The following PPARGC1A variants were observed in gnomAD, a reference collection of about 807,000 sequenced individuals.
PPARGC1A encodes the protein peroxisome proliferator-activated receptor gamma coactivator 1-alpha.
PPARGC1A carries 25 observed loss-of-function variants against 88.7 expected under a neutral mutation model. That is an observed-to-expected ratio of 0.28 (90% CI 0.21 to 0.39). PPARGC1A has a LOEUF of 0.39. Among genes scored for constraint, PPARGC1A ranks in the 10% least tolerant of loss-of-function variants. The pLI, the probability that PPARGC1A is intolerant of heterozygous loss-of-function variation, is 1.00. For missense variants in PPARGC1A, 880 were observed against 968.7 expected (o/e 0.91, Z 1.22); for synonymous variants, 363 against 355.6 (o/e 1.02, Z -0.24).
chr4:24,058,307 A>G, the PPARGC1A span, among the ~76,000 whole-genome samples: 1 of 152,236 alleles, frequency 6.6e-6, no homozygotes, highest in Non-Finnish European at 1.5e-5. Flanking sequence ...AAATTTTTAA[A>G]GTGAGACAGT....
At chr4:24,140,595 T>A in the PPARGC1A span, among the ~76,000 whole-genome samples, 1 of 152,036 alleles carries the variant, frequency 6.6e-6, no homozygotes, top group Admixed American at 6.6e-5. Flanking sequence ...CCAGGACTTG[T>A]GTGCAAGGAA....
chr4:24,301,072 T>C, the PPARGC1A span, among the ~76,000 whole-genome samples: 1,013 of 152,272 alleles, frequency 6.7e-3, 15 homozygotes, highest in African/African-American at 0.024. Flanking sequence ...CTAATTTGTT[T>C]AAGCCAAAAT....
the PPARGC1A span, among the ~76,000 whole-genome samples, chr4:24,195,549 G>A: frequency 2.6e-5 from 4 of 152,146 alleles, no homozygotes; most frequent in South Asian, 2.1e-4. Flanking sequence ...GTAAATACTC[G>A]GACCAGATTT....
intron 1 of PPARGC1A, among the ~76,000 whole-genome samples, chr4:23,896,366 G>A (rs982288806): frequency 7.9e-5 from 12 of 152,114 alleles, no homozygotes; most frequent in African/African-American, 2.9e-4. Context: ...TTAACATACT[G>A]GGAATGTAGC....
the PPARGC1A span, among the ~76,000 whole-genome samples, chr4:24,383,780 G>A: frequency 6.6e-6 from 1 of 152,160 alleles, no homozygotes; most frequent in Non-Finnish European, 1.5e-5. Context: ...TGGGGAGAAT[G>A]CAACCAAGTT....
chr4:23,870,512 C>T (rs1269798576), intron 2 of PPARGC1A, among the ~76,000 whole-genome samples: 1 of 152,180 alleles, frequency 6.6e-6, no homozygotes, highest in Non-Finnish European at 1.5e-5. Context: ...TTACTGTCAC[C>T]ATTTCATGAA....
At chr4:23,974,918 G>C in the PPARGC1A span, among the ~76,000 whole-genome samples, 1 of 146,782 alleles carries the variant, frequency 6.8e-6, no homozygotes, top group Non-Finnish European at 1.5e-5. Context: ...GCCTCCCAAA[G>C]TGCTGGGATT....
chr4:24,332,713 A>G, the PPARGC1A span, among the ~76,000 whole-genome samples: 1 of 152,240 alleles, frequency 6.6e-6, no homozygotes, highest in East Asian at 1.9e-4. Flanking sequence ...GTGCTCCCCG[A>G]AATACATAAT....
chr4:24,333,140 G>A, the PPARGC1A span, among the ~76,000 whole-genome samples: 2 of 152,298 alleles, frequency 1.3e-5, no homozygotes, highest in South Asian at 2.1e-4. Flanking sequence ...TACTCAGGAG[G>A]CTGAGAGGCA....
chr4:24,467,081 GGA>G, the PPARGC1A span, among the ~76,000 whole-genome samples: 418 of 129,406 alleles, frequency 3.2e-3, 2 homozygotes, highest in Middle Eastern at 8.4e-3. Context: ...AGAAAGAAAG[GGA>G]GAGAGAGAGA....
chr4:24,236,931 C>T, the PPARGC1A span, among the ~76,000 whole-genome samples: 12 of 152,272 alleles, frequency 7.9e-5, no homozygotes, highest in South Asian at 1.2e-3. Flanking sequence ...AATTAACATG[C>T]GCACTGAAAA....
chr4:23,957,343 AG>A, the PPARGC1A span, among the ~76,000 whole-genome samples: 1 of 152,032 alleles, frequency 6.6e-6, no homozygotes, highest in African/African-American at 2.4e-5. Flanking sequence ...ACCTCCCTTA[AG>A]GCAGGGTCTC....
the PPARGC1A span, among the ~76,000 whole-genome samples, chr4:24,336,533 C>T: frequency 6.6e-6 from 1 of 152,052 alleles, no homozygotes; most frequent in African/African-American, 2.4e-5. Context: ...TGCCTTTTAT[C>T]CCTGTATTTT....
the PPARGC1A span, among the ~76,000 whole-genome samples, chr4:23,949,309 C>T: frequency 3.3e-5 from 5 of 152,076 alleles, no homozygotes; most frequent in African/African-American, 4.8e-5. Flanking sequence ...GAAAACATAA[C>T]GACACTTGCA....
At chr4:23,980,688 A>C in the PPARGC1A span, among the ~76,000 whole-genome samples, 1 of 152,146 alleles carries the variant, frequency 6.6e-6, no homozygotes, top group Admixed American at 6.5e-5. Flanking sequence ...GACCCAAGGC[A>C]TTTGGAGCCG....
At chr4:23,802,483 G>A (rs1237011789) in intron 10 of PPARGC1A, 138 bp from the exon 11 acceptor site, 5 of 1,070,598 alleles carry the variant, frequency 4.7e-6, no homozygotes, top group Non-Finnish European at 6.7e-6. Flanking sequence ...TTCAATACCA[G>A]CCTGGGCAAG....
Position 23,802,676 on chromosome 4 carries a change from C to CAAA in PPARGC1A, c.2020-334_2020-332dup, listed in dbSNP as rs397823520. 6.5e-3 allele frequency among the ~76,000 whole-genome samples: 170 copies of CAAA among 26,018 alleles called. 3 individuals carry two copies. Among genetic ancestry groups the CAAA allele is most frequent in the African/African-American group, 0.01 (88 of 8,526 alleles). The allele number at this position is 26,018 out of a possible 152,430, so 17.1% of individuals were successfully genotyped here. A position where few individuals can be genotyped will look rare whatever the true frequency, so the allele number is the denominator to read the frequency against. On this transcript the variant is annotated intron_variant, in intron 10 of 12. Coordinates refer to ENST00000264867, the MANE Select transcript of PPARGC1A (RefSeq NM_013261.5). The stretch of plus-strand genomic sequence containing the variant: ...TGGGCGAGAGAGCGAGACTCCATCT[C>CAAA]AAAAAAAAAAAAAAAAAAAAAAAAA...
At chr4:24,296,179 GTGTATGTGTGTA>G in the PPARGC1A span, among the ~76,000 whole-genome samples, 737 of 149,312 alleles carry the variant, frequency 4.9e-3, 6 homozygotes, top group African/African-American at 0.018. Flanking sequence ...TTATATGTGT[GTGTATGTGTGTA>G]TGTGTGTGTG....
At chr4:23,832,082 G>T (rs577873597) in intron 2 of PPARGC1A, among the ~76,000 whole-genome samples, 1 of 152,086 alleles carries the variant, frequency 6.6e-6, no homozygotes, top group Non-Finnish European at 1.5e-5. Context: ...CTGAGTAAAA[G>T]AAAAGATTTA....
Sources: gnomAD v4.1 joint callset for allele counts (sites outside exome capture counted in the v4.1 genomes callset) on GRCh38, gnomAD v4.1.1 for gene constraint, MANE v1.5 for transcripts, NCBI Gene and HGNC (gene_info 2026-07-23, HGNC 2026-07-21) for gene names.